GPR39: variants seen among roughly 807,000 people sequenced by gnomAD.
GPR39 encodes the protein G protein-coupled receptor 39.
GPR39 carries 23 observed loss-of-function variants against 18.4 expected under a neutral mutation model. The ratio of observed to expected loss-of-function variants is 1.25; its 90% confidence interval spans 0.90 to 1.77. GPR39 has a LOEUF of 1.77. Among genes scored for constraint, GPR39 ranks in the 40% most tolerant of loss-of-function variants. GPR39 has a pLI of 0.00. For missense variants in GPR39, 647 were observed against 602.4 expected (o/e 1.07, Z -0.78); for synonymous variants, 280 against 257.9 (o/e 1.09, Z -0.82).
intron 1 of GPR39, among the ~76,000 whole-genome samples, chr2:132,471,842 T>A (rs2104783621): frequency 6.6e-6 from 1 of 152,290 alleles, no homozygotes. Context: ...TAACTTTCAG[T>A]AGATCAGGCA....
At chr2:132,449,826 C>G (rs1680601924) in intron 1 of GPR39, among the ~76,000 whole-genome samples, 2 of 151,936 alleles carry the variant, frequency 1.3e-5, no homozygotes, top group Admixed American at 6.6e-5. Flanking sequence ...GAATTATTTT[C>G]TCTCTTCTCT....
intron 1 of GPR39, among the ~76,000 whole-genome samples, chr2:132,583,350 G>A (rs888078396): frequency 2.0e-5 from 3 of 150,592 alleles, no homozygotes; most frequent in African/African-American, 7.3e-5. Context: ...TCCTTCCTAA[G>A]TGAGATCCCC....
intron 1 of GPR39, among the ~76,000 whole-genome samples, chr2:132,589,671 C>T (rs781613512): frequency 2.0e-5 from 3 of 152,180 alleles, no homozygotes; most frequent in Non-Finnish European, 4.4e-5. Flanking sequence ...ACTTGATGAA[C>T]ATTCCTGAAA....
At chr2:132,471,419 C>A (rs1322082855) in intron 1 of GPR39, among the ~76,000 whole-genome samples, 1 of 152,124 alleles carries the variant, frequency 6.6e-6, no homozygotes, top group African/African-American at 2.4e-5. Flanking sequence ...TTTACTGTAT[C>A]CACTAGTCGG....
intron 1 of GPR39, among the ~76,000 whole-genome samples, chr2:132,591,818 T>A (rs1438033608): frequency 6.6e-5 from 10 of 151,948 alleles, no homozygotes; most frequent in Non-Finnish European, 8.8e-5. Flanking sequence ...AAAACTGATT[T>A]AAAAAAAACC....
intron 1 of GPR39, among the ~76,000 whole-genome samples, chr2:132,601,989 A>G (rs944796802): frequency 2.0e-5 from 3 of 151,936 alleles, no homozygotes; most frequent in African/African-American, 4.8e-5. Context: ...AAAGCAAGCT[A>G]CAGATCTCTA....
At chr2:132,495,371 C>T (rs1437876536) in intron 1 of GPR39, among the ~76,000 whole-genome samples, 4 of 152,088 alleles carry the variant, frequency 2.6e-5, no homozygotes, top group Admixed American at 6.6e-5. Context: ...GGAGTTTGGA[C>T]GGTAGTGGGA....
chr2:132,491,612 C>G (rs1305556732), intron 1 of GPR39, among the ~76,000 whole-genome samples: 1 of 151,764 alleles, frequency 6.6e-6, no homozygotes, highest in African/African-American at 2.4e-5. Context: ...GGAAGGGATT[C>G]AAGCAGAAAG....
intron 1 of GPR39, among the ~76,000 whole-genome samples, chr2:132,498,242 C>A (rs527781973): frequency 1.3e-5 from 2 of 152,250 alleles, no homozygotes; most frequent in African/African-American, 4.8e-5. Context: ...TTGCTGCCCC[C>A]CACCCTTTAC....
At position 132,441,392 on chromosome 2, in the gene GPR39, T is replaced by TG. The variant is rs1197823962; in HGVS notation, c.856+23494_856+23495insG. On this transcript the variant is annotated intron_variant, in intron 1 of 1. Coordinates refer to ENST00000329321, the MANE Select transcript of GPR39 (RefSeq NM_001508.3). Reference sequence around the variant, plus strand: ...CTTTTCATGCATATATGCTTTTTTTTTTGTTGTTGTTGTTGTTGCAGATAG... The same window carrying TG: ...CTTTTCATGCATATATGCTTTTTTTTGTTGTTGTTGTTGTTGTTGCAGATAG... Among the ~76,000 whole-genome samples the TG allele has an allele frequency of 6.3e-4, 95 of 149,842 alleles. 1 individual carries two copies. The highest frequency in any genetic ancestry group is 4.7e-3 in the East Asian group (24 of 5,102).
At chr2:132,557,847 C>A (rs1680183489) in intron 1 of GPR39, among the ~76,000 whole-genome samples, 1 of 152,174 alleles carries the variant, frequency 6.6e-6, no homozygotes, top group Non-Finnish European at 1.5e-5. Flanking sequence ...TTTCTCGTGA[C>A]CTCCCCCATG....
chr2:132,437,669 G>A (rs1680350261), intron 1 of GPR39, among the ~76,000 whole-genome samples: 1 of 152,204 alleles, frequency 6.6e-6, no homozygotes, highest in Non-Finnish European at 1.5e-5. Context: ...TTACTGAATA[G>A]ACATTATGTA....
At chr2:132,569,709 A>C (rs1053590772) in intron 1 of GPR39, among the ~76,000 whole-genome samples, 1 of 151,986 alleles carries the variant, frequency 6.6e-6, no homozygotes, top group Non-Finnish European at 1.5e-5. Flanking sequence ...GCCTACCCAA[A>C]TCTCATCTTG....
intron 1 of GPR39, among the ~76,000 whole-genome samples, chr2:132,597,691 T>C (rs535378857): frequency 6.6e-6 from 1 of 152,342 alleles, no homozygotes; most frequent in South Asian, 2.1e-4. Flanking sequence ...CACCATTGTA[T>C]AATATATGTG....
At chr2:132,521,039 C>A (rs1679416278) in intron 1 of GPR39, among the ~76,000 whole-genome samples, 1 of 152,214 alleles carries the variant, frequency 6.6e-6, no homozygotes, top group African/African-American at 2.4e-5. Context: ...TCAGGGCCAG[C>A]ACAGTGTTTA....
chr2:132,625,649 C>G (rs771254314), intron 1 of GPR39, among the ~76,000 whole-genome samples: 1 of 152,164 alleles, frequency 6.6e-6, no homozygotes, highest in Non-Finnish European at 1.5e-5. Context: ...CTTCCTACAT[C>G]TTTTTGAAGA....
intron 1 of GPR39, among the ~76,000 whole-genome samples, chr2:132,459,745 C>G (rs538557935): frequency 6.6e-6 from 1 of 152,138 alleles, no homozygotes; most frequent in African/African-American, 2.4e-5. Flanking sequence ...TACTCAGTCA[C>G]GAAGACTTGA....
At chr2:132,578,799 CTT>C (rs148762833) in intron 1 of GPR39, among the ~76,000 whole-genome samples, 2,004 of 151,734 alleles carry the variant, frequency 0.013, 47 homozygotes, top group African/African-American at 0.046. Context: ...TTTATAGTCT[CTT>C]TTAATATCTT....
intron 1 of GPR39, among the ~76,000 whole-genome samples, chr2:132,492,534 TATAC>T (rs1205761650): frequency 7.0e-6 from 1 of 142,646 alleles, no homozygotes; most frequent in African/African-American, 2.5e-5. Flanking sequence ...ACACCATATA[TATAC>T]ACCATATATA....
Sources: gnomAD v4.1 joint callset for allele counts (sites outside exome capture counted in the v4.1 genomes callset) on GRCh38, gnomAD v4.1.1 for gene constraint, MANE v1.5 for transcripts, NCBI Gene and HGNC (gene_info 2026-07-23, HGNC 2026-07-21) for gene names.